RAD54B: variants seen among roughly 807,000 people sequenced by gnomAD.
RAD54B encodes RAD54 homolog B, also known as DNA repair and recombination protein RAD54B.
A neutral mutation model predicts 95.8 loss-of-function variants in RAD54B; 78 were observed. That is an observed-to-expected ratio of 0.81 (90% CI 0.68 to 0.98). RAD54B has a LOEUF of 0.98. Ranked by LOEUF, RAD54B falls within the 50% of genes least tolerant of loss-of-function variation. The pLI is 0.00. For synonymous variants in RAD54B, 328 were observed against 354.9 expected (o/e 0.92, Z 0.85); for missense variants, 957 against 1,056.6 (o/e 0.91, Z 1.31).
intron 3 of RAD54B, among the ~76,000 whole-genome samples, chr8:94,420,315 G>A (rs1563649932): frequency 2.1e-5 from 3 of 143,266 alleles, no homozygotes; most frequent in South Asian, 2.2e-4. Flanking sequence ...GAGTGCAGTG[G>A]TGTGATCTTG....
intron 1 of RAD54B, chr8:94,468,109 A>C (rs1434396937): frequency 2.6e-5 from 4 of 152,230 alleles, no homozygotes; most frequent in African/African-American, 9.7e-5. Context: ...AAATCAGAGA[A>C]TCTTTTAATA....
chr8:94,444,745 A>T (rs1225021318), intron 3 of RAD54B, among the ~76,000 whole-genome samples: 1 of 148,922 alleles, frequency 6.7e-6, no homozygotes, highest in East Asian at 2.0e-4. Flanking sequence ...CCAACACCTG[A>T]CTATAGGCCC....
Position 94,428,821 on chromosome 8 carries a change from G to C in RAD54B, c.305-17506C>G. On this transcript the variant is annotated intron_variant, in intron 3 of 14. Coordinates refer to ENST00000336148, the MANE Select transcript of RAD54B (RefSeq NM_012415.3). ...AAAAACTGCTAATGTTAGTTGGTAA[G>C]TAGTCCCCTAACTCAAAAAAGTCTC... 4 of 984,836 alleles carry C rather than the reference G, an allele frequency of 4.1e-6. No individual in the cohort carries two copies. In the South Asian group the frequency reaches 1.4e-4, roughly 35 times the overall value. The allele number at this position is 984,836 out of a possible 1,614,324, so 61.0% of individuals were successfully genotyped here.
intron 3 of RAD54B, chr8:94,429,844 CTT>C: frequency 1.0e-6 from 1 of 985,228 alleles, no homozygotes; most frequent in Non-Finnish European, 1.2e-6. Context: ...AAAATAGTAC[CTT>C]GAGTTCATTT....
intron 3 of RAD54B, among the ~76,000 whole-genome samples, chr8:94,448,930 TCA>T (rs1256357199): frequency 6.6e-6 from 1 of 152,082 alleles, no homozygotes; most frequent in Admixed American, 6.5e-5. Flanking sequence ...GGTGCTCTGG[TCA>T]CACACAAAAA....
intron 11 of RAD54B, among the ~76,000 whole-genome samples, chr8:94,380,774 C>T (rs1031534614): frequency 2.6e-5 from 4 of 152,172 alleles, no homozygotes; most frequent in Non-Finnish European, 5.9e-5. Context: ...TGCCTACATG[C>T]CCAAAGAGGG....
chr8:94,371,997 CACTT>C lies in RAD54B; in HGVS notation c.*169_*172del. The C allele has an allele frequency of 9.1e-7, 1 of 1,100,422 alleles. No homozygotes were observed. The highest frequency in any genetic ancestry group is 1.2e-6 in the Non-Finnish European group (1 of 829,762). The allele number at this position is 1,100,422 out of a possible 1,614,324, so 68.2% of individuals were successfully genotyped here. ...AGCACATCTTTATTTTTCATTTAAA[CACTT>C]AATATTTACAAAACATTAAACCACT... On this transcript the variant is annotated 3_prime_UTR_variant, in exon 15 of 15. Coordinates refer to ENST00000336148, the MANE Select transcript of RAD54B (RefSeq NM_012415.3).
intron 3 of RAD54B, chr8:94,429,113 G>A: frequency 1.0e-6 from 1 of 985,266 alleles, no homozygotes; most frequent in Non-Finnish European, 1.2e-6. Context: ...AGTTGCTGCA[G>A]TAAACTCAAA....
intron 3 of RAD54B, among the ~76,000 whole-genome samples, chr8:94,414,895 T>C (rs1049157177): frequency 6.6e-6 from 1 of 152,212 alleles, no homozygotes; most frequent in Non-Finnish European, 1.5e-5. Context: ...GAACATTCCA[T>C]GCTCATGGGT....
At chr8:94,373,964 A>G (rs968741157) in intron 14 of RAD54B, among the ~76,000 whole-genome samples, 5 of 152,220 alleles carry the variant, frequency 3.3e-5, no homozygotes, top group African/African-American at 4.8e-5. Flanking sequence ...GTCAGTGTTC[A>G]TAATCATTGA....
At chr8:94,415,181 G>A (rs140452542) in intron 3 of RAD54B, among the ~76,000 whole-genome samples, 19,795 of 151,540 alleles carry the variant, frequency 0.13, 1,829 homozygotes, top group African/African-American at 0.25. Context: ...ATAGATCAAT[G>A]GAATAGAACA....
intron 11 of RAD54B, among the ~76,000 whole-genome samples, chr8:94,386,584 GTGTGTGTGTGCA>G (rs36233795): frequency 0.15 from 20,600 of 138,718 alleles, 2,068 homozygotes; most frequent in African/African-American, 0.27. Flanking sequence ...GGTTGTGTGT[GTGTGTGTGTGCA>G]TGTGTGTGTG....
intron 3 of RAD54B, among the ~76,000 whole-genome samples, chr8:94,445,441 A>G (rs1316663379): frequency 6.6e-6 from 1 of 152,088 alleles, no homozygotes; most frequent in Non-Finnish European, 1.5e-5. Context: ...GTACTCCCTC[A>G]TTCTCCCTTT....
chr8:94,399,410 T>C lies in RAD54B; in HGVS notation c.1378+4A>G, dbSNP rs372525523. On this transcript the variant is annotated splice_donor_region_variant and intron_variant, in intron 8 of 14. Transcript: ENST00000336148. ...AAAATATCTTCCCCAAACTGAATACTGACCAGTTAGAATTATTCTTTTCTC... is the reference window on the plus strand; with the variant it reads ...AAAATATCTTCCCCAAACTGAATACCGACCAGTTAGAATTATTCTTTTCTC... 18 of 1,611,464 alleles carry C rather than the reference T, an allele frequency of 1.1e-5. No homozygotes were observed. The East Asian group carries it at 1.3e-4, about 12-fold the overall frequency.
chr8:94,431,600 T>C (rs1442142122), intron 3 of RAD54B: 13 of 920,194 alleles, frequency 1.4e-5, no homozygotes, highest in Non-Finnish European at 1.7e-5. Context: ...TGGACCTGTT[T>C]CATTACCCCT....
At chr8:94,453,200 T>C (rs936097224) in intron 3 of RAD54B, among the ~76,000 whole-genome samples, 5 of 152,182 alleles carry the variant, frequency 3.3e-5, no homozygotes, top group Non-Finnish European at 7.3e-5. Context: ...TTAAGTACAT[T>C]TGGCACATCC....
intron 5 of RAD54B, among the ~76,000 whole-genome samples, chr8:94,406,160 C>CT (rs1563644723): frequency 1.3e-5 from 2 of 152,026 alleles, no homozygotes; most frequent in South Asian, 4.2e-4. Context: ...ACTAGACACT[C>CT]TAAATCTCTA....
intron 3 of RAD54B, among the ~76,000 whole-genome samples, chr8:94,425,968 T>G (rs1014148572): frequency 6.6e-6 from 1 of 152,194 alleles, no homozygotes; most frequent in African/African-American, 2.4e-5. Context: ...TTGTTTCGTT[T>G]TTGGGACAGG....
rs753192961 is a variant in RAD54B at position 94,387,008 on chromosome 8, A to G, written c.1961T>C (p.Ile654Thr). The change falls in exon 11 of 15, where the codon ATC becomes ACC. Residue 654 changes from isoleucine (I) to threonine (T), a missense_variant. Coordinates refer to ENST00000336148, the MANE Select transcript of RAD54B (RefSeq NM_012415.3). The part of the protein sequence containing the change: ...LQVLSKLLAV[I>T]HELRPTEKVV... ...CTTTTCAGTAGGTCGAAGTTCGTGG[A>G]TAACCGCTAAGAGCTTGGACAACAC... is the stretch of plus-strand genomic sequence containing the variant. 6 of 1,601,330 alleles carry G rather than the reference A, an allele frequency of 3.7e-6. No homozygotes were observed. Among genetic ancestry groups the G allele is most frequent in the Admixed American group, 3.5e-5 (2 of 56,696 alleles).
Sources: allele counts gnomAD v4.1 joint callset (sites outside exome capture counted in the v4.1 genomes callset), GRCh38; gene constraint gnomAD v4.1.1; transcripts MANE v1.5; gene names NCBI Gene and HGNC (gene_info 2026-07-23, HGNC 2026-07-21).